Variants in SCML4 observed in about 807,000 individuals in gnomAD.
SCML4 encodes Scm polycomb group protein like 4, also known as sex comb on midleg-like protein 4.
Under a neutral mutation model 41.1 loss-of-function variants are expected in SCML4, and 34 were observed. The observed-to-expected ratio is 0.83, with a 90% confidence interval of 0.63 to 1.10. The LOEUF is 1.10. Among genes scored for constraint, SCML4 ranks in the 50% least tolerant of loss-of-function variants. SCML4 has a pLI of 0.00. For synonymous variants in SCML4, 214 were observed against 220.9 expected (o/e 0.97, Z 0.28); for missense variants, 522 against 534.1 (o/e 0.98, Z 0.22).
chr6:107,737,844 T>C (rs1340467479), intron 5 of SCML4, among the ~76,000 whole-genome samples: 2 of 152,164 alleles, frequency 1.3e-5, no homozygotes, highest in Non-Finnish European at 2.9e-5. Context: ...TTCAGCGCTG[T>C]GCAATCTATG....
intron 5 of SCML4, among the ~76,000 whole-genome samples, chr6:107,742,068 A>G (rs1777641793): frequency 1.3e-5 from 2 of 152,176 alleles, no homozygotes; most frequent in South Asian, 4.1e-4. Flanking sequence ...TATATCAGAG[A>G]AATTTAACAA....
At chr6:107,827,354 A>T (rs976698767), upstream of SCML4, among the ~76,000 whole-genome samples, 2 of 146,804 alleles carry the variant, frequency 1.4e-5, no homozygotes, top group African/African-American at 2.5e-5. Context: ...TTTTACTTAA[A>T]TTTTTTTATT....
chr6:107,775,070 G>C (rs1489909484), intron 1 of SCML4, among the ~76,000 whole-genome samples: 1 of 151,926 alleles, frequency 6.6e-6, no homozygotes, highest in African/African-American at 2.4e-5. Context: ...CAAGCATTTA[G>C]GCAAGATAAA....
chr6:107,781,925 C>A (rs1045017065), intron 1 of SCML4, among the ~76,000 whole-genome samples: 5 of 152,098 alleles, frequency 3.3e-5, no homozygotes, highest in African/African-American at 1.2e-4. Context: ...AATGGGCCCT[C>A]GCTGTGAGGG....
intron 1 of SCML4, among the ~76,000 whole-genome samples, chr6:107,778,196 CAAAAAAAAA>C (rs1171221403): frequency 2.6e-4 from 2 of 7,758 alleles, no homozygotes; most frequent in African/African-American, 6.5e-4. Context: ...GACTCTATCT[CAAAAAAAAA>C]AAAAAAAAAA....
At chr6:107,830,059 T>A in the SCML4 span, among the ~76,000 whole-genome samples, 28 of 152,292 alleles carry the variant, frequency 1.8e-4, no homozygotes, top group South Asian at 5.8e-3. Flanking sequence ...GGGTGCTTAG[T>A]GCAGCCAATA....
intron 2 of SCML4, among the ~76,000 whole-genome samples, chr6:107,751,494 A>G (rs538319408): frequency 7.9e-4 from 120 of 152,240 alleles, no homozygotes; most frequent in African/African-American, 2.7e-3. Context: ...GCTTTGCAGG[A>G]CACTGTCAGG....
chr6:107,765,504 C>CA (rs1308006157), intron 2 of SCML4, among the ~76,000 whole-genome samples: 1 of 151,866 alleles, frequency 6.6e-6, no homozygotes, highest in African/African-American at 2.4e-5. Context: ...GACTCTGTGT[C>CA]AAAAAAATTT....
intron 2 of SCML4, among the ~76,000 whole-genome samples, chr6:107,759,368 A>ATACATACATAT (rs61536006): frequency 6.7e-6 from 1 of 149,010 alleles, no homozygotes; most frequent in African/African-American, 2.5e-5. Context: ...TACATACATA[A>ATACATACATAT]GGCTGCTGTT....
chr6:107,759,332 A>AATACATAC (rs60465321), intron 2 of SCML4, among the ~76,000 whole-genome samples: 123 of 13,530 alleles, frequency 9.1e-3, no homozygotes, highest in African/African-American at 9.4e-3. Context: ...CCTGTCTCAA[A>AATACATAC]ATACATACAT....
At chr6:107,830,859 T>C in the SCML4 span, among the ~76,000 whole-genome samples, 1 of 152,182 alleles carries the variant, frequency 6.6e-6, no homozygotes, top group Admixed American at 6.5e-5. Flanking sequence ...TTGTAACAAA[T>C]GAGCTTTAAT....
intron 6 of SCML4, among the ~76,000 whole-genome samples, chr6:107,713,516 C>T (rs1774435360): frequency 6.6e-6 from 1 of 152,236 alleles, no homozygotes; most frequent in African/African-American, 2.4e-5. Context: ...AGCCAGGCTT[C>T]CCGTCCCTCC....
chr6:107,811,754 G>T (rs1157120937), intron 1 of SCML4, among the ~76,000 whole-genome samples: 2 of 152,196 alleles, frequency 1.3e-5, no homozygotes, highest in East Asian at 3.8e-4. Context: ...CAAATTCACA[G>T]AGTGCGCAGT....
chr6:107,814,248 C>T (rs868808706), intron 1 of SCML4, among the ~76,000 whole-genome samples: 1 of 152,222 alleles, frequency 6.6e-6, no homozygotes, highest in Non-Finnish European at 1.5e-5. Context: ...GTTTCAACAT[C>T]ATGGATAAAA....
upstream of SCML4, among the ~76,000 whole-genome samples, chr6:107,825,750 G>C (rs1423252410): frequency 1.3e-5 from 2 of 151,380 alleles, no homozygotes; most frequent in Admixed American, 6.6e-5. Flanking sequence ...ACCATCCTGT[G>C]AATGGTGAAA....
intron 6 of SCML4, among the ~76,000 whole-genome samples, chr6:107,712,231 C>T (rs1168518613): frequency 6.6e-6 from 1 of 152,208 alleles, no homozygotes; most frequent in African/African-American, 2.4e-5. Context: ...GCTCTGATTA[C>T]AAAGGCTGGA....
chr6:107,745,010 G>A lies in SCML4; in HGVS notation c.621C>T (p.Phe207=), dbSNP rs750206499. 3 of 1,613,956 alleles carry A rather than the reference G, an allele frequency of 1.9e-6. No individual in the cohort carries two copies. Among genetic ancestry groups the A allele is most frequent in the Non-Finnish European group, 2.5e-6 (3 of 1,179,902 alleles). The change falls in exon 5 of 8, where the codon TTC becomes TTT. Residue 207 remains phenylalanine, a synonymous_variant. Transcript: ENST00000369020. ...TCTCAGAGGCACTGCAGCCCCTGGG[G>A]AAGGGCTGGTGGCTGAAGAGGTCAT... The part of the protein sequence containing the change: ...LCDDLFSHQP[F]PRGCSASEKV...
the SCML4 span, among the ~76,000 whole-genome samples, chr6:107,845,309 G>A: frequency 1.3e-5 from 2 of 152,200 alleles, no homozygotes; most frequent in African/African-American, 4.8e-5. Context: ...ATTAGGCTTA[G>A]AGGTCAAACA....
At chr6:107,789,393 TC>T (rs367873161) in intron 1 of SCML4, among the ~76,000 whole-genome samples, 35 of 152,222 alleles carry the variant, frequency 2.3e-4, no homozygotes, top group African/African-American at 7.9e-4. Flanking sequence ...TCCCAGCCCA[TC>T]CTGCCTCCCC....
Sources: gnomAD v4.1 joint callset for allele counts (sites outside exome capture counted in the v4.1 genomes callset) on GRCh38, gnomAD v4.1.1 for gene constraint, MANE v1.5 for transcripts, NCBI Gene and HGNC (gene_info 2026-07-23, HGNC 2026-07-21) for gene names.